Variants in SNX29 observed in about 807,000 individuals in gnomAD.
SNX29 encodes sorting nexin 29.
A neutral mutation model predicts 102.1 loss-of-function variants in SNX29; 78 were observed. The ratio of observed to expected loss-of-function variants is 0.76; its 90% CI spans 0.64 to 0.92. The LOEUF (loss-of-function observed/expected upper bound fraction) is 0.92, where lower values mean the gene tolerates loss of function less well. Among genes scored for constraint, SNX29 ranks in the 40% least tolerant of loss-of-function variants. The probability of loss-of-function intolerance (pLI) is 0.00; values close to 1 mark genes in which losing one functional copy is unlikely to be tolerated. For missense variants in SNX29, 1,280 were observed against 1,061.7 expected, an observed-to-expected ratio of 1.21 and a Z score of -2.86; for synonymous variants, 580 against 414.5, an observed-to-expected ratio of 1.40 and a Z score of -4.85.
chr16:12,265,500 C>T (rs1284955281), intron 14 of SNX29, among the ~76,000 whole-genome samples: 4 of 152,058 alleles, frequency 2.6e-5, no homozygotes, highest in Non-Finnish European at 5.9e-5. Context: ...AGACATGAAA[C>T]TTAATGGACA....
At chr16:12,170,944 A>G (rs1447147573) in intron 13 of SNX29, among the ~76,000 whole-genome samples, 3 of 151,758 alleles carry the variant, frequency 2.0e-5, no homozygotes, top group Non-Finnish European at 4.4e-5. Context: ...TTTACTGACG[A>G]CCTGGAGCCC....
At chr16:12,152,925 C>A (rs2055360862) in intron 13 of SNX29, among the ~76,000 whole-genome samples, 1 of 152,166 alleles carries the variant, frequency 6.6e-6, no homozygotes, top group Admixed American at 6.5e-5. Flanking sequence ...ACCCCGCACA[C>A]AGTGGCAGGG....
At chr16:12,528,409 A>G (rs982294251) in intron 20 of SNX29, among the ~76,000 whole-genome samples, 2 of 152,114 alleles carry the variant, frequency 1.3e-5, no homozygotes, top group Admixed American at 6.5e-5. Flanking sequence ...CATGTTGGCC[A>G]GGCTGGTCTC....
At chr16:11,982,596 A>C (rs1171482136) in intron 1 of SNX29, among the ~76,000 whole-genome samples, 6 of 151,570 alleles carry the variant, frequency 4.0e-5, no homozygotes, top group African/African-American at 1.5e-4. Context: ...CGCCCAGCTA[A>C]TTTTTTGTAT....
intron 14 of SNX29, among the ~76,000 whole-genome samples, chr16:12,244,827 C>T (rs1327177446): frequency 3.3e-5 from 5 of 152,140 alleles, no homozygotes; most frequent in African/African-American, 9.7e-5. Context: ...CACAGATGTG[C>T]GTTGCTGGCA....
chr16:12,497,776 G>A (rs189473353), intron 19 of SNX29, among the ~76,000 whole-genome samples: 3 of 152,238 alleles, frequency 2.0e-5, no homozygotes, highest in South Asian at 2.1e-4. Context: ...TCCACTAGGC[G>A]CCTCAGGCAG....
intron 19 of SNX29, among the ~76,000 whole-genome samples, chr16:12,511,458 A>T (rs980661952): frequency 1.3e-5 from 2 of 152,206 alleles, no homozygotes; most frequent in South Asian, 2.1e-4. Context: ...CGTGCTTGGC[A>T]TGTAGGAATC....
At chr16:12,163,487 G>C (rs76124783) in intron 13 of SNX29, among the ~76,000 whole-genome samples, 2,708 of 152,250 alleles carry the variant, frequency 0.018, 78 homozygotes, top group African/African-American at 0.062. Context: ...CATGCCTGGT[G>C]GTGGGTCATT....
rs1555547115 is a variant in SNX29 at position 12,472,544 on chromosome 16, C to CCA, written c.2038-5175_2038-5174insCA. Among the ~76,000 whole-genome samples, 27 of 115,640 alleles carry CCA rather than the reference C, an allele frequency of 2.3e-4. No homozygotes were observed. The South Asian group carries it at 4.7e-3, about 20-fold the overall frequency. 75.9% of individuals were successfully genotyped at this position (115,640 alleles called of 152,430 possible). A position where few individuals can be genotyped will look rare whatever the true frequency, so the allele number is the denominator to read the frequency against. On this transcript the variant is annotated intron_variant, in intron 18 of 20. Coordinates refer to ENST00000566228, the MANE Select transcript of SNX29 (RefSeq NM_032167.5). ...AAAAAAAAACCAAAAAAAAAAAAAA[C>CCA]AAAAAAAAAAAGAAAAAAACAGGGA...
intron 14 of SNX29, among the ~76,000 whole-genome samples, chr16:12,211,903 G>C (rs994739795): frequency 4.6e-5 from 7 of 152,070 alleles, no homozygotes; most frequent in Admixed American, 1.3e-4. Flanking sequence ...ATTTAGACTG[G>C]TGTTGGGTGA....
intron 14 of SNX29, among the ~76,000 whole-genome samples, chr16:12,249,459 G>T (rs78425054): frequency 6.6e-6 from 1 of 152,306 alleles, no homozygotes; most frequent in East Asian, 1.9e-4. Flanking sequence ...AAGTCACATG[G>T]CCAGGCCCAG....
At chr16:12,370,740 G>GTGT (rs2082652331) in intron 16 of SNX29, among the ~76,000 whole-genome samples, 1 of 152,184 alleles carries the variant, frequency 6.6e-6, no homozygotes, top group African/African-American at 2.4e-5. Flanking sequence ...CTGTTTCGCT[G>GTGT]TGTGTTTCAT....
chr16:12,128,475 C>T (rs375049966), intron 12 of SNX29, among the ~76,000 whole-genome samples: 10 of 116,142 alleles, frequency 8.6e-5, no homozygotes, highest in Admixed American at 3.9e-4. Context: ...TTTTTTGAGA[C>T]GGAGTCTTGT....
Position 12,052,007 on chromosome 16 carries a change from C to T in SNX29, c.909C>T (p.Ile303=), listed in dbSNP as rs1425220309. Residue 303 remains isoleucine (I), a synonymous_variant, in exon 8 of 21, where the codon ATC becomes ATT. Coordinates refer to ENST00000566228, the MANE Select transcript of SNX29 (RefSeq NM_032167.5). ...EDNSDRSSVN[I]MSAFESPFGP... ...ACTCCGACCGCTCCTCTGTCAATAT[C>T]ATGTCCGCCTTTGAAAGCCCCTTCG... 6.2e-7 allele frequency: 1 copy of T among 1,613,968 alleles called. No homozygotes were observed. The highest frequency in any genetic ancestry group is 8.5e-7 in the Non-Finnish European group (1 of 1,179,870).
At chr16:12,460,657 C>CT (rs56823217) in intron 18 of SNX29, among the ~76,000 whole-genome samples, 7,272 of 133,638 alleles carry the variant, frequency 0.054, 357 homozygotes, top group African/African-American at 0.13. Flanking sequence ...TGTGTGAACT[C>CT]TTTTTTTTTT....
chr16:12,078,593 C>T (rs1174426040), intron 10 of SNX29, among the ~76,000 whole-genome samples: 1 of 152,170 alleles, frequency 6.6e-6, no homozygotes, highest in Non-Finnish European at 1.5e-5. Flanking sequence ...TGCACGTGTT[C>T]ATGAATGATT....
intron 3 of SNX29, among the ~76,000 whole-genome samples, chr16:12,026,359 A>G (rs2057191030): frequency 6.6e-6 from 1 of 152,228 alleles, no homozygotes; most frequent in Non-Finnish European, 1.5e-5. Context: ...AAACATGCAC[A>G]TGAGTGAGGC....
At chr16:12,276,769 CT>C (rs1421087429) in intron 14 of SNX29, among the ~76,000 whole-genome samples, 1 of 152,104 alleles carries the variant, frequency 6.6e-6, no homozygotes, top group Non-Finnish European at 1.5e-5. Flanking sequence ...TCATTCTCAG[CT>C]TTTCTTTATT....
At chr16:12,468,356 G>A (rs996467496) in intron 18 of SNX29, among the ~76,000 whole-genome samples, 2 of 151,840 alleles carry the variant, frequency 1.3e-5, no homozygotes, top group African/African-American at 4.8e-5. Context: ...TGTATTATTA[G>A]TAGAGACGGG....
Sources: gnomAD v4.1 joint callset for allele counts (sites outside exome capture counted in the v4.1 genomes callset) on GRCh38, gnomAD v4.1.1 for gene constraint, MANE v1.5 for transcripts, NCBI Gene and HGNC (gene_info 2026-07-23, HGNC 2026-07-21) for gene names.